The following PRKN variants were observed in gnomAD, a reference collection of about 807,000 sequenced individuals.
The protein encoded by PRKN is parkin RBR E3 ubiquitin protein ligase.
PRKN carries 56 observed loss-of-function variants against 59.5 expected under a neutral mutation model. That is an observed-to-expected ratio of 0.94 (90% CI 0.76 to 1.18). The LOEUF (loss-of-function observed/expected upper bound fraction) is 1.18. Ranked by LOEUF, PRKN falls within the 50% of genes most tolerant of loss-of-function variation. The probability of loss-of-function intolerance (pLI) is 0.00; values close to 1 mark genes in which losing one functional copy is unlikely to be tolerated. For synonymous variants in PRKN, 250 were observed against 222.1 expected (o/e 1.13, Z -1.12); for missense variants, 657 against 596.4 (o/e 1.10, Z -1.06).
Position 161,989,680 on chromosome 6 carries a change from T to C in PRKN, c.619-16263A>G, listed in dbSNP as rs1583447897. Among the ~76,000 whole-genome samples the C allele has an allele frequency of 4.6e-5, 7 of 152,252 alleles. No individual in the cohort carries two copies. The South Asian group carries it at 1.5e-3, about 32-fold the overall frequency. ...CCCCACCTGATGCTACCACTGACAGTGCCTGCATGCTTCATCTGGAGACCT... is the reference window on the plus strand; with the variant it reads ...CCCCACCTGATGCTACCACTGACAGCGCCTGCATGCTTCATCTGGAGACCT... On this transcript the variant is annotated intron_variant, in intron 5 of 11. Coordinates refer to ENST00000366898, the MANE Select transcript of PRKN (RefSeq NM_004562.3).
At chr6:162,344,444 T>G (rs7759239) in intron 2 of PRKN, among the ~76,000 whole-genome samples, 3 of 152,102 alleles carry the variant, frequency 2.0e-5, no homozygotes, top group Non-Finnish European at 4.4e-5. Flanking sequence ...ATGAATCATA[T>G]AGCAGCATAT....
chr6:162,115,366 G>A (rs1156338343), intron 4 of PRKN, among the ~76,000 whole-genome samples: 1 of 151,316 alleles, frequency 6.6e-6, no homozygotes, highest in African/African-American at 2.4e-5. Flanking sequence ...GAGGCGGGAG[G>A]GATAGCACTG....
At chr6:161,960,775 G>C (rs1213413565) in intron 6 of PRKN, among the ~76,000 whole-genome samples, 1 of 152,156 alleles carries the variant, frequency 6.6e-6, no homozygotes, top group Non-Finnish European at 1.5e-5. Context: ...TCAGTCTGTG[G>C]ATTTAAGAAC....
intron 2 of PRKN, among the ~76,000 whole-genome samples, chr6:162,341,997 T>C (rs1439876715): frequency 6.6e-6 from 1 of 152,190 alleles, no homozygotes; most frequent in Non-Finnish European, 1.5e-5. Flanking sequence ...GTAGAGGGTT[T>C]GCTTTTTAAT....
In PRKN at chr6:161,575,631, A is replaced by G. The variant is rs946269748; in HGVS notation, c.872-6215T>C. ...AGCAATTGTGATATCCTTTGGGTTC[A>G]ATGGAAAATCGTGAGCACCCAGGCT... is the stretch of plus-strand genomic sequence containing the variant. On this transcript the variant is annotated intron_variant, in intron 7 of 11. Transcript: ENST00000366898. The surrounding 1 kb of genome is among the most constrained non-coding windows in gnomAD (Gnocchi z 4.6). Among the ~76,000 whole-genome samples, 8 of 152,166 alleles carry G rather than the reference A, an allele frequency of 5.3e-5. No individual in the cohort carries two copies. Among genetic ancestry groups the G allele is most frequent in the African/African-American group, 1.9e-4 (8 of 41,436 alleles).
chr6:162,477,103 T>C (rs985418445), intron 1 of PRKN, among the ~76,000 whole-genome samples: 1 of 152,218 alleles, frequency 6.6e-6, no homozygotes, highest in Non-Finnish European at 1.5e-5. Context: ...CACTTGACTC[T>C]TTGAGGGAGT....
chr6:161,942,499 C>T (rs913592135), intron 6 of PRKN, among the ~76,000 whole-genome samples: 1 of 152,070 alleles, frequency 6.6e-6, no homozygotes, highest in Non-Finnish European at 1.5e-5. Context: ...CCATTGTATT[C>T]CAGCTTGGGC....
chr6:161,903,864 A>G (rs1019862161), intron 6 of PRKN, among the ~76,000 whole-genome samples: 2 of 151,290 alleles, frequency 1.3e-5, no homozygotes, highest in African/African-American at 4.9e-5. Context: ...TGGCTTTGCA[A>G]TGCAAGTCCT....
chr6:162,315,380 A>C (rs1288808789), intron 2 of PRKN, among the ~76,000 whole-genome samples: 1 of 152,214 alleles, frequency 6.6e-6, no homozygotes. Context: ...AGAAAGTTTA[A>C]GGAGTTATTG....
At chr6:162,343,246 C>T (rs922809353) in intron 2 of PRKN, among the ~76,000 whole-genome samples, 3 of 152,050 alleles carry the variant, frequency 2.0e-5, no homozygotes, top group Non-Finnish European at 4.4e-5. Flanking sequence ...GACTGTTAAC[C>T]TTGGGATCAA....
chr6:161,993,496 A>G (rs893562237), intron 5 of PRKN, among the ~76,000 whole-genome samples: 1 of 152,216 alleles, frequency 6.6e-6, no homozygotes, highest in African/African-American at 2.4e-5. Flanking sequence ...AGACGGATTA[A>G]CTGCAGAATT....
intron 4 of PRKN, among the ~76,000 whole-genome samples, chr6:162,162,076 T>C (rs558730144): frequency 1.3e-5 from 2 of 152,222 alleles, no homozygotes; most frequent in East Asian, 3.9e-4. Flanking sequence ...AAAAACTATT[T>C]GCATTTTATT....
At chr6:162,181,649 G>C (rs190293901) in intron 4 of PRKN, among the ~76,000 whole-genome samples, 14 of 152,248 alleles carry the variant, frequency 9.2e-5, no homozygotes, top group African/African-American at 3.4e-4. Context: ...CAACCACAAA[G>C]AGAAACATGG....
chr6:162,227,190 A>G (rs1583228771), intron 3 of PRKN, among the ~76,000 whole-genome samples: 1 of 152,202 alleles, frequency 6.6e-6, no homozygotes, highest in East Asian at 1.9e-4. Flanking sequence ...ATTTCTCTGT[A>G]ATAAAGTCCA....
chr6:161,809,270 G>T (rs1374543043), intron 6 of PRKN, among the ~76,000 whole-genome samples: 2 of 149,192 alleles, frequency 1.3e-5, no homozygotes, highest in Non-Finnish European at 3.0e-5. Context: ...GGGGGAAGGG[G>T]GATGACTCAG....
intron 5 of PRKN, among the ~76,000 whole-genome samples, chr6:161,994,166 G>A (rs1322375847): frequency 6.6e-6 from 1 of 151,636 alleles, no homozygotes; most frequent in East Asian, 1.9e-4. Flanking sequence ...ATGTAAGAAT[G>A]GTTGAACATA....
intron 1 of PRKN, among the ~76,000 whole-genome samples, chr6:162,519,660 C>A (rs1390498699): frequency 6.6e-6 from 1 of 152,202 alleles, no homozygotes; most frequent in Admixed American, 6.5e-5. Context: ...GAAACAAACC[C>A]ATCTCATTTA....
In PRKN at chr6:161,390,251, T is replaced by C. The variant is rs1786446710; in HGVS notation, c.1084-3374A>G. On this transcript the variant is annotated intron_variant, in intron 9 of 11. Coordinates refer to ENST00000366898, the MANE Select transcript of PRKN (RefSeq NM_004562.3). The surrounding 1 kb of genome is among the most constrained non-coding windows in gnomAD (Gnocchi z 7.0). ...TCTCACACTACGCACCAGAGTGCCC[T>C]GCGGTACTGTAACAAACTCACAGGG... Among the ~76,000 whole-genome samples, 1 of 152,212 alleles carries C rather than the reference T, an allele frequency of 6.6e-6. No individual in the cohort carries two copies. Among genetic ancestry groups the C allele is most frequent in the African/African-American group, 2.4e-5 (1 of 41,456 alleles).
At chr6:161,788,989 A>G (rs1238563792) in intron 6 of PRKN, among the ~76,000 whole-genome samples, 1 of 152,182 alleles carries the variant, frequency 6.6e-6, no homozygotes, top group Non-Finnish European at 1.5e-5. Flanking sequence ...CTGCCTTTAT[A>G]CACACACACG....
Sources: gnomAD v4.1 joint callset for allele counts (sites outside exome capture counted in the v4.1 genomes callset) on GRCh38, gnomAD v4.1.1 for gene constraint, Gnocchi (gnomAD v3.1) non-coding constraint, MANE v1.5 for transcripts, NCBI Gene and HGNC (gene_info 2026-07-23, HGNC 2026-07-21) for gene names.